The following LBP variants were observed in gnomAD, a reference collection of about 807,000 sequenced individuals.
LBP encodes lipopolysaccharide binding protein, also known as lipopolysaccharide-binding protein.
In LBP, 53 loss-of-function variants were observed where a neutral mutation model predicts 56.6. The ratio of observed to expected loss-of-function variants is 0.94; its 90% CI spans 0.75 to 1.18. The LOEUF (loss-of-function observed/expected upper bound fraction) is 1.18, where lower values mean the gene tolerates loss of function less well. Ranked by LOEUF, LBP falls within the 50% of genes most tolerant of loss-of-function variation. LBP has a pLI of 0.00. For synonymous variants in LBP, 227 were observed against 247.5 expected, an observed-to-expected ratio of 0.92 and a Z score of 0.78; for missense variants, 601 against 598.3, an observed-to-expected ratio of 1.00 and a Z score of -0.05.
chr20:38,352,853 TA>T (rs1387963445), intron 3 of LBP, among the ~76,000 whole-genome samples: 3 of 152,258 alleles, frequency 2.0e-5, no homozygotes, highest in African/African-American at 7.2e-5. Flanking sequence ...ATCTCATTAA[TA>T]TTTTTTATAT....
chr20:38,363,972 C>T lies in LBP; in HGVS notation c.653-3C>T. The T allele has an allele frequency of 6.2e-7, 1 of 1,610,638 alleles. No individual in the cohort carries two copies. The highest frequency in any genetic ancestry group is 1.3e-5 in the African/African-American group (1 of 74,960). On this transcript the variant is annotated splice_polypyrimidine_tract_variant and splice_region_variant and intron_variant, in intron 6 of 14. Transcript: ENST00000217407. ...CCTAATTCTGCCCTGTCCTCATTCA[C>T]AGTTACAACAGAGATTGACAGTTTC...
At chr20:38,360,573 A>C in intron 5 of LBP, 131 bp from the exon 6 acceptor site, 1 of 651,242 alleles carries the variant, frequency 1.5e-6, no homozygotes, top group Admixed American at 2.2e-5. Flanking sequence ...GGCTCATGAC[A>C]AGCACTTATA....
At chr20:38,372,341 G>A (rs2122627254) in intron 12 of LBP, among the ~76,000 whole-genome samples, 1 of 152,330 alleles carries the variant, frequency 6.6e-6, no homozygotes, top group African/African-American at 2.4e-5. Flanking sequence ...GGTGGGGAGA[G>A]ATGCAGGGAC....
intron 6 of LBP, among the ~76,000 whole-genome samples, chr20:38,362,389 G>A (rs2076864065): frequency 1.4e-5 from 2 of 145,134 alleles, no homozygotes; most frequent in African/African-American, 2.5e-5. Context: ...GAGGCGGGTG[G>A]ATTACCTGAG....
intron 8 of LBP, among the ~76,000 whole-genome samples, chr20:38,365,840 T>C (rs1219680234): frequency 1.3e-5 from 2 of 151,276 alleles, no homozygotes; most frequent in Non-Finnish European, 2.9e-5. Flanking sequence ...AAAGCACAAT[T>C]ATAAAGACAC....
chr20:38,371,204 C>G, intron 11 of LBP, 76 bp from the exon 12 acceptor site: 2 of 1,207,488 alleles, frequency 1.7e-6, no homozygotes, highest in East Asian at 4.7e-5. Flanking sequence ...CCCATCCTTT[C>G]TCGCTTCTGG....
intron 9 of LBP, among the ~76,000 whole-genome samples, chr20:38,367,325 A>G (rs2076885794): frequency 6.6e-6 from 1 of 152,116 alleles, no homozygotes; most frequent in Admixed American, 6.5e-5. Context: ...GTAGCGGCAC[A>G]TAGCTGTAGT....
In LBP at chr20:38,374,016, C is replaced by G. The variant is rs151285189; in HGVS notation, c.1401+3C>G. ...ACCTTGGGCTGCAGATCCATAAGGT[C>G]GGTGGGTTCAGGGGGGCTCTGAGGA... On this transcript the variant is annotated splice_donor_region_variant and intron_variant, in intron 14 of 14. Coordinates refer to ENST00000217407, the MANE Select transcript of LBP (RefSeq NM_004139.5). 6.2e-7 allele frequency: 1 copy of G among 1,613,852 alleles called. No individual in the cohort carries two copies.
At position 38,366,812 on chromosome 20, in the gene LBP, G is replaced by C. The variant is rs373530154; in HGVS notation, c.965G>C (p.Arg322Pro). The C allele has an allele frequency of 6.2e-7, 1 of 1,614,028 alleles. No individual in the cohort carries two copies. The highest frequency in any genetic ancestry group is 1.7e-5 in the Admixed American group (1 of 60,018). ...SNIRLTTKSFRPFVPRLARLY... is the reference protein window; with the variant it reads ...SNIRLTTKSFPPFVPRLARLY... ...ATCCGACTGACCACCAAGTCCTTCC[G>C]ACCCTTCGTCCCACGGGTAAGGAGT... The change falls in exon 9 of 15, where the codon CGA (arginine) becomes CCA (proline). Residue 322 changes from arginine to proline, a missense_variant. Transcript: ENST00000217407.
intron 6 of LBP, 112 bp from the exon 7 acceptor site, chr20:38,363,863 G>T: frequency 1.3e-6 from 1 of 756,882 alleles, no homozygotes; most frequent in South Asian, 1.6e-5. Context: ...CGGGCTAGTA[G>T]GGGGATTCTG....
chr20:38,364,591 C>T lies in LBP; in HGVS notation c.760C>T (p.Arg254Cys), dbSNP rs746618299. The change falls in exon 8 of 15, where the codon CGT (arginine) becomes TGT (cysteine). Residue 254 changes from arginine to cysteine, a missense_variant. Physicochemically the swap from Arg to Cys is radical, Grantham distance 180. Coordinates refer to ENST00000217407, the MANE Select transcript of LBP (RefSeq NM_004139.5). The stretch of plus-strand genomic sequence containing the variant: ...CCCTCTCCAGGGTGAAATCTTTCAT[C>T]GTAACCACCGTTCTCCAGTTACCCT... ...EVMFKGEIFHRNHRSPVTLLA... is the reference protein window; with the variant it reads ...EVMFKGEIFHCNHRSPVTLLA... The T allele has an allele frequency of 1.3e-5, 21 of 1,613,976 alleles. No individual in the cohort carries two copies. In the East Asian group the frequency reaches 2.9e-4, roughly 22 times the overall value.
At chr20:38,355,124 C>T (rs1197054308) in intron 4 of LBP, among the ~76,000 whole-genome samples, 1 of 152,234 alleles carries the variant, frequency 6.6e-6, no homozygotes, top group African/African-American at 2.4e-5. Context: ...ATTCTCAAGC[C>T]GCTTCCCCAA....
Position 38,349,614 on chromosome 20 carries a change from G to A in LBP, c.191G>A (p.Gly64Glu). The A allele has an allele frequency of 1.9e-6, 3 of 1,612,022 alleles. No individual in the cohort carries two copies. Among genetic ancestry groups the A allele is most frequent in the African/African-American group, 1.3e-5 (1 of 75,010 alleles). The change falls in exon 2 of 15, where the codon GGG becomes GAG. Residue 64 changes from glycine to glutamate, a missense_variant. By Grantham distance (98) the Gly-to-Glu change is moderately conservative. Transcript: ENST00000217407. ...LLRITLPDFT[G>E]DLRIPHVGRG... is the part of the protein sequence containing the mutation. ...AGGATCACGCTGCCTGACTTCACCG[G>A]GGACTTGAGGATCCCCCACGTCGGC... is the stretch of plus-strand genomic sequence containing the variant.
At chr20:38,360,442 G>A (rs12624843) in intron 5 of LBP, among the ~76,000 whole-genome samples, 51,882 of 152,004 alleles carry the variant, frequency 0.34, 9,758 homozygotes, top group East Asian at 0.68. Flanking sequence ...TCCTCAGGCT[G>A]TGTCAGTGAC....
At chr20:38,375,384 C>A (rs892728777) in intron 14 of LBP, among the ~76,000 whole-genome samples, 2 of 151,608 alleles carry the variant, frequency 1.3e-5, no homozygotes, top group African/African-American at 4.8e-5. Flanking sequence ...AGTTTGAGAC[C>A]AGCCTGGCCA....
At chr20:38,362,889 G>A (rs963951170) in intron 6 of LBP, among the ~76,000 whole-genome samples, 4 of 152,002 alleles carry the variant, frequency 2.6e-5, no homozygotes, top group African/African-American at 7.3e-5. Context: ...TCAAGGCAGC[G>A]GTGGGCTGAA....
In LBP at chr20:38,373,973, AGC is replaced by A; in HGVS notation, c.1363_1364del (p.Arg455CysfsTer12). On this transcript the variant is annotated frameshift_variant, in exon 14 of 15. Transcript: ENST00000217407. LOFTEE classifies it high-confidence loss of function. ...GAAGGCTTCCCCCTTCCTCTGCTGAAGCGTGTTCAGCTCTACGACCTTGGGCT... is the reference window on the plus strand; with the variant it reads ...GAAGGCTTCCCCCTTCCTCTGCTGAAGTGTTCAGCTCTACGACCTTGGGCT... 1 of 1,614,046 alleles carries A rather than the reference AGC, an allele frequency of 6.2e-7. No individual in the cohort carries two copies.
intron 8 of LBP, among the ~76,000 whole-genome samples, chr20:38,365,865 A>C (rs1292536857): frequency 1.3e-5 from 2 of 151,904 alleles, no homozygotes; most frequent in Non-Finnish European, 2.9e-5. Flanking sequence ...CCCTTAAATT[A>C]ATTTCTTTAA....
At chr20:38,371,615 T>C (rs958962858) in intron 12 of LBP, among the ~76,000 whole-genome samples, 3 of 152,224 alleles carry the variant, frequency 2.0e-5, no homozygotes, top group Non-Finnish European at 4.4e-5. Flanking sequence ...TAGGATTATA[T>C]AATTGAAAAG....
Sources: allele counts gnomAD v4.1 joint callset (sites outside exome capture counted in the v4.1 genomes callset), GRCh38; gene constraint gnomAD v4.1.1; transcripts MANE v1.5; gene names NCBI Gene and HGNC (gene_info 2026-07-23, HGNC 2026-07-21).